The following PTER variants were observed in gnomAD, a reference collection of about 807,000 sequenced individuals.
PTER encodes phosphotriesterase related.
Under a neutral mutation model 29.6 loss-of-function variants are expected in PTER, and 38 were observed. The ratio of observed to expected loss-of-function variants is 1.28; its 90% CI spans 0.99 to 1.68. The LOEUF is 1.68. PTER is among the 40% of genes most tolerant of loss of function. The probability of loss-of-function intolerance (pLI) is 0.00; values close to 1 mark genes in which losing one functional copy is unlikely to be tolerated. For missense variants in PTER, 482 were observed against 427.8 expected (o/e 1.13, Z -1.12); for synonymous variants, 172 against 154.5 (o/e 1.11, Z -0.84).
At chr10:16,504,160 T>C (rs948332881) in intron 3 of PTER, among the ~76,000 whole-genome samples, 1 of 152,146 alleles carries the variant, frequency 6.6e-6, no homozygotes, top group Non-Finnish European at 1.5e-5. Flanking sequence ...CTCTGTGTGA[T>C]TGGATCTCTA....
At chr10:16,439,909 T>C (rs970953528) in intron 1 of PTER, among the ~76,000 whole-genome samples, 6 of 152,114 alleles carry the variant, frequency 3.9e-5, no homozygotes, top group African/African-American at 1.4e-4. Flanking sequence ...AGTAATAATA[T>C]TGAGAATTTC....
chr10:16,507,937 T>C (rs770542706), intron 4 of PTER, among the ~76,000 whole-genome samples: 1 of 152,238 alleles, frequency 6.6e-6, no homozygotes, highest in Non-Finnish European at 1.5e-5. Flanking sequence ...AGACTATTCC[T>C]TGCCTAAGGG....
intron 1 of PTER, among the ~76,000 whole-genome samples, chr10:16,481,999 C>T (rs1436832510): frequency 6.6e-6 from 1 of 152,162 alleles, no homozygotes; most frequent in African/African-American, 2.4e-5. Flanking sequence ...AAATATTGCC[C>T]TGTATAGTGC....
At chr10:16,493,174 C>CA (rs1564404776) in intron 3 of PTER, among the ~76,000 whole-genome samples, 2 of 152,066 alleles carry the variant, frequency 1.3e-5, no homozygotes, top group Admixed American at 1.3e-4. Context: ...TGAAAAACCA[C>CA]AAAAAATAAT....
At chr10:16,514,785 C>T (rs1211243801), downstream of PTER, 2 of 1,056,120 alleles carry the variant, frequency 1.9e-6, no homozygotes, top group Non-Finnish European at 2.8e-6. Context: ...TGTAGCATCA[C>T]AAGCTGACTT....
At chr10:16,442,130 G>C (rs1833870475) in intron 1 of PTER, among the ~76,000 whole-genome samples, 1 of 152,172 alleles carries the variant, frequency 6.6e-6, no homozygotes, top group African/African-American at 2.4e-5. Context: ...TTATGTAACT[G>C]AAAGCCCATT....
intron 3 of PTER, among the ~76,000 whole-genome samples, chr10:16,500,131 A>G (rs1221907109): frequency 6.6e-6 from 1 of 152,124 alleles, no homozygotes; most frequent in Non-Finnish European, 1.5e-5. Context: ...ACGTGTGATC[A>G]TGAAATTTTT....
chr10:16,488,603 G>GGAGA (rs35122897), intron 3 of PTER, among the ~76,000 whole-genome samples: 9,805 of 133,952 alleles, frequency 0.073, 409 homozygotes, highest in East Asian at 0.19. Flanking sequence ...ATATATATAT[G>GGAGA]GAGAGAGAGA....
intron 1 of PTER, among the ~76,000 whole-genome samples, chr10:16,450,462 G>A (rs150152474): frequency 6.6e-5 from 10 of 152,138 alleles, no homozygotes; most frequent in African/African-American, 1.4e-4. Context: ...TTATAAGCTC[G>A]GTGTCCCCAG....
intron 3 of PTER, among the ~76,000 whole-genome samples, chr10:16,503,454 G>A (rs1836441423): frequency 6.6e-6 from 1 of 151,986 alleles, no homozygotes; most frequent in South Asian, 2.1e-4. Context: ...GCCCAGGCTG[G>A]AGTGCAATAG....
chr10:16,461,164 A>C (rs1834600169), intron 1 of PTER, among the ~76,000 whole-genome samples: 1 of 152,172 alleles, frequency 6.6e-6, no homozygotes, highest in Non-Finnish European at 1.5e-5. Flanking sequence ...TTTTCTGTGA[A>C]TTCTTAGGAA....
chr10:16,467,523 C>T (rs1189003376), intron 1 of PTER, among the ~76,000 whole-genome samples: 1 of 152,062 alleles, frequency 6.6e-6, no homozygotes, highest in Non-Finnish European at 1.5e-5. Context: ...TAAAATAGCA[C>T]ATTTGCTGCC....
At chr10:16,518,005 G>A (rs1836980624), downstream of PTER, among the ~76,000 whole-genome samples, 1 of 152,100 alleles carries the variant, frequency 6.6e-6, no homozygotes, top group South Asian at 2.1e-4. Flanking sequence ...TGCATTTTTA[G>A]TTTAATTTTT....
rs375273813 is a variant in PTER at position 16,484,811 on chromosome 10, G to A, written c.427G>A (p.Glu143Lys). The change falls in exon 2 of 5, where the codon GAG becomes AAG. Residue 143 changes from glutamate to lysine, a missense_variant. Transcript: ENST00000535784. The stretch of plus-strand genomic sequence containing the variant: ...CTCAGAGACCAGGGCCATGTCAGTG[G>A]AGCAGGTAAAAAGCCTAAGTTCTTT... ...HSSETRAMSV[E>K]QLTDVLMNEI... is the part of the protein sequence containing the mutation. 9.4e-6 allele frequency: 15 copies of A among 1,591,494 alleles called. No individual in the cohort carries two copies. In the Admixed American group the frequency reaches 2.6e-4, roughly 27 times the overall value.
intron 1 of PTER, among the ~76,000 whole-genome samples, chr10:16,475,517 C>T (rs993349886): frequency 3.3e-5 from 5 of 152,138 alleles, no homozygotes; most frequent in African/African-American, 1.2e-4. Context: ...GAAGCTGCTT[C>T]CAATGATATG....
At chr10:16,454,761 A>T (rs1297119607) in intron 1 of PTER, among the ~76,000 whole-genome samples, 1 of 152,058 alleles carries the variant, frequency 6.6e-6, no homozygotes, top group Non-Finnish European at 1.5e-5. Flanking sequence ...CTTGATTTTT[A>T]ATCTACAATT....
chr10:16,463,091 A>C (rs1247780771), intron 1 of PTER, among the ~76,000 whole-genome samples: 1 of 150,842 alleles, frequency 6.6e-6, no homozygotes, highest in Non-Finnish European at 1.5e-5. Context: ...TACTCGGGAG[A>C]CTGAGGCAGC....
intron 1 of PTER, among the ~76,000 whole-genome samples, chr10:16,471,581 C>T (rs921625273): frequency 6.6e-6 from 1 of 152,054 alleles, no homozygotes; most frequent in African/African-American, 2.4e-5. Context: ...AAATTTTTAT[C>T]GTATTTAAAA....
chr10:16,451,551 A>G (rs1016564904), intron 1 of PTER, among the ~76,000 whole-genome samples: 1 of 152,160 alleles, frequency 6.6e-6, no homozygotes, highest in Non-Finnish European at 1.5e-5. Context: ...TCTACTAAAA[A>G]TACAAAAGAA....
Sources: gnomAD v4.1 joint callset for allele counts (sites outside exome capture counted in the v4.1 genomes callset) on GRCh38, gnomAD v4.1.1 for gene constraint, MANE v1.5 for transcripts, NCBI Gene and HGNC (gene_info 2026-07-23, HGNC 2026-07-21) for gene names.